Variants in TACC3 observed in about 807,000 individuals in gnomAD.
TACC3 encodes the protein transforming acidic coiled-coil containing protein 3.
A neutral mutation model predicts 86.0 loss-of-function variants in TACC3; 52 were observed. The ratio of observed to expected loss-of-function variants is 0.60; its 90% confidence interval spans 0.48 to 0.76. The LOEUF (loss-of-function observed/expected upper bound fraction) is 0.76. Ranked by LOEUF, TACC3 falls within the 30% of genes least tolerant of loss-of-function variation. The probability of loss-of-function intolerance (pLI) is 0.00; values close to 1 mark genes in which losing one functional copy is unlikely to be tolerated. For missense variants in TACC3, 1,120 were observed against 1,070.4 expected (o/e 1.05, Z -0.65); for synonymous variants, 512 against 430.0 (o/e 1.19, Z -2.36).
upstream of TACC3, chr4:1,720,680 A>C (rs971725496): frequency 6.4e-7 from 1 of 1,550,944 alleles, no homozygotes; most frequent in African/African-American, 1.4e-5. The surrounding 1 kb of genome is among the most constrained non-coding windows in gnomAD (Gnocchi z 4.4). Flanking sequence ...CGTGCGGCGC[A>C]AGTGGAAGGG....
At chr4:1,720,885 C>T, upstream of TACC3, 1 of 1,519,556 alleles carries the variant, frequency 6.6e-7, no homozygotes, top group East Asian at 2.6e-5. The surrounding 1 kb of genome is among the most constrained non-coding windows in gnomAD (Gnocchi z 4.4). Context: ...CCCCGGCGCG[C>T]GGACGAGGCC....
rs371120546 is a variant in TACC3 at position 1,727,925 on chromosome 4, T to A, written c.523T>A (p.Ser175Thr). Residue 175 changes from serine (S) to threonine (T), a missense_variant, in exon 4 of 16, where the codon TCT becomes ACT. By Grantham distance (58) the Ser-to-Thr change is moderately conservative. Coordinates refer to ENST00000313288, the MANE Select transcript of TACC3 (RefSeq NM_006342.3). ...ENQMVSPGKV[S>T]GSPEQAVEEN... ...CCAAATGGTGTCTCCAGGAAAAGTGTCTGGCAGCCCTGAGCAAGCCGTGGA... is the reference window on the plus strand; with the variant it reads ...CCAAATGGTGTCTCCAGGAAAAGTGACTGGCAGCCCTGAGCAAGCCGTGGA... 1.4e-5 allele frequency: 22 copies of A among 1,613,818 alleles called. No individual in the cohort carries two copies. The African/African-American group carries it at 2.8e-4, about 21-fold the overall frequency.
intron 13 of TACC3, 80 bp downstream of exon 13, chr4:1,741,066 G>A (rs1718576380): frequency 4.2e-6 from 6 of 1,424,014 alleles, no homozygotes; most frequent in Admixed American, 4.6e-5. Flanking sequence ...ACAAGCTGCT[G>A]TCTTTGCACC....
intron 3 of TACC3, among the ~76,000 whole-genome samples, chr4:1,727,451 A>G (rs781392136): frequency 6.6e-6 from 1 of 152,194 alleles, no homozygotes; most frequent in Non-Finnish European, 1.5e-5. Flanking sequence ...TTGGAACCCC[A>G]AGAAGCATGA....
At chr4:1,740,054 C>G (rs753538501) in intron 12 of TACC3, 52 bp downstream of exon 12, 1 of 1,594,110 alleles carries the variant, frequency 6.3e-7, no homozygotes, top group Non-Finnish European at 8.6e-7. Context: ...GCTGCCTATG[C>G]CCCACCCTGG....
chr4:1,742,629 C>T (rs1370601600), intron 13 of TACC3, among the ~76,000 whole-genome samples: 7 of 151,924 alleles, frequency 4.6e-5, no homozygotes, highest in Admixed American at 1.3e-4. Context: ...GATGAAACTC[C>T]GTCTCCTAAA....
In TACC3 at chr4:1,740,839, G is replaced by A. The variant is rs763950932; in HGVS notation, c.2076G>A (p.Lys692=). 1.9e-6 allele frequency: 3 copies of A among 1,607,336 alleles called. No individual in the cohort carries two copies. In the Admixed American group the frequency reaches 5.2e-5, roughly 28 times the overall value. Residue 692 remains lysine, a synonymous_variant, in exon 13 of 16, where the codon AAG becomes AAA. Transcript: ENST00000313288. ...TCTTTTCTCAAGAGGAAGTTCAGAA[G>A]CAGAAGGAACTTTCCAAAGCTGAAA... ...VVYQAMEEVQ[K]QKELSKAEIQ...
Position 1,723,802 on chromosome 4 carries a change from G to A in TACC3, c.237G>A (p.Glu79=), listed in dbSNP as rs1717544837. The A allele has an allele frequency of 6.2e-7, 1 of 1,613,648 alleles. No individual in the cohort carries two copies. Among genetic ancestry groups the A allele is most frequent in the Admixed American group, 1.7e-5 (1 of 60,004 alleles). The part of the protein sequence containing the change: ...ILSPSMASKL[E]APFTQDDTLG... The stretch of plus-strand genomic sequence containing the variant: ...GTCCTAGCATGGCCAGCAAACTTGA[G>A]GCTCCTTTCACTCAGGATGACACCC... The change falls in exon 3 of 16, where the codon GAG becomes GAA. Residue 79 remains glutamate, a synonymous_variant. Transcript: ENST00000313288.
At chr4:1,744,894 C>T in intron 15 of TACC3, 54 bp from the exon 16 acceptor site, 1 of 1,611,722 alleles carries the variant, frequency 6.2e-7, no homozygotes, top group Non-Finnish European at 8.5e-7. Context: ...GGCCCTTGGG[C>T]CTGCTGCTCC....
intron 12 of TACC3, chr4:1,740,226 C>T: frequency 3.3e-6 from 2 of 597,068 alleles, no homozygotes; most frequent in Non-Finnish European, 6.0e-6. Context: ...GCTTGGCAGG[C>T]CCCACAGTTG....
At chr4:1,738,174 G>C in intron 10 of TACC3, 1 of 313,432 alleles carries the variant, frequency 3.2e-6, no homozygotes. Context: ...CTAACTCCGG[G>C]CCTAAATTGT....
chr4:1,742,628 C>A (rs1424637802), intron 13 of TACC3, among the ~76,000 whole-genome samples: 2 of 152,084 alleles, frequency 1.3e-5, no homozygotes, highest in Admixed American at 1.3e-4. Context: ...TGATGAAACT[C>A]CGTCTCCTAA....
In TACC3 at chr4:1,739,748, A is replaced by T. The variant is rs1247131339; in HGVS notation, c.1988A>T (p.Glu663Val). ...EENRELRSRC[E>V]ELHGKNLELG... ...AACCGGGAGCTGAGGAGCAGGTGTG[A>T]GGAGCTCCACGGGAAGAACCTGGAA... The change falls in exon 11 of 16, where the codon GAG becomes GTG. Residue 663 changes from glutamate to valine, a missense_variant. Coordinates refer to ENST00000313288, the MANE Select transcript of TACC3 (RefSeq NM_006342.3). 9 of 1,587,914 alleles carry T rather than the reference A, an allele frequency of 5.7e-6. No individual in the cohort carries two copies. The highest frequency in any genetic ancestry group is 7.7e-6 in the Non-Finnish European group (9 of 1,168,320).
At chr4:1,742,968 A>G (rs996683244) in intron 13 of TACC3, among the ~76,000 whole-genome samples, 1 of 152,204 alleles carries the variant, frequency 6.6e-6, no homozygotes, top group African/African-American at 2.4e-5. Flanking sequence ...CTCTCTCAGA[A>G]AACAAAAAAT....
At chr4:1,737,784 C>A (rs1485932470) in intron 10 of TACC3, 82 bp downstream of exon 10, 2 of 1,248,098 alleles carry the variant, frequency 1.6e-6, no homozygotes, top group Non-Finnish European at 1.1e-6. Flanking sequence ...GGTCCAACAG[C>A]CTGACCCGCC....
chr4:1,744,998 G>A lies in TACC3; in HGVS notation c.2502G>A (p.Lys834=). 6.2e-7 allele frequency: 1 copy of A among 1,609,130 alleles called. No homozygotes were observed. Among genetic ancestry groups the A allele is most frequent in the Non-Finnish European group, 8.5e-7 (1 of 1,178,360 alleles). The change falls in exon 16 of 16, where the codon AAG becomes AAA. Residue 834 remains lysine, a synonymous_variant. Transcript: ENST00000313288. ...LTRICDDLIS[K]MEKI Reference sequence around the variant, plus strand: ...GGATCTGCGACGACCTCATCTCCAAGATGGAGAAGATCTGACCTCCACGGA... The same window carrying A: ...GGATCTGCGACGACCTCATCTCCAAAATGGAGAAGATCTGACCTCCACGGA...
chr4:1,739,868 CT>C (rs1333605566), intron 11 of TACC3, 90 bp downstream of exon 11: 1 of 1,535,052 alleles, frequency 6.5e-7, no homozygotes, highest in Non-Finnish European at 8.9e-7. Flanking sequence ...CCCCATCCCC[CT>C]CGCCATCCCT....
Position 1,739,706 on chromosome 4 carries a change from A to G in TACC3, c.1946A>G (p.Lys649Arg). Residue 649 changes from lysine to arginine, a missense_variant, in exon 11 of 16, where the codon AAG (lysine) becomes AGG (arginine). Transcript: ENST00000313288. ...ACTTGGGTGTGGCCTGAGCAGGTAAAGGCGACACAGGAGGAGAACCGGGAG... is the reference window on the plus strand; with the variant it reads ...ACTTGGGTGTGGCCTGAGCAGGTAAGGGCGACACAGGAGGAGAACCGGGAG... ...YSQKDLDAVV[K>R]ATQEENRELR... 1 of 1,578,530 alleles carries G rather than the reference A, an allele frequency of 6.3e-7. No individual in the cohort carries two copies. The highest frequency in any genetic ancestry group is 1.2e-5 in the South Asian group (1 of 86,156).
At chr4:1,737,097 G>T in intron 8 of TACC3, 144 bp from the exon 9 acceptor site, 1 of 654,094 alleles carries the variant, frequency 1.5e-6, no homozygotes. Flanking sequence ...GCTGGATGCG[G>T]GTCTGCGTTT....
Sources: allele counts gnomAD v4.1 joint callset (sites outside exome capture counted in the v4.1 genomes callset), GRCh38; gene constraint gnomAD v4.1.1; non-coding constraint Gnocchi (gnomAD v3.1); transcripts MANE v1.5; gene names NCBI Gene and HGNC (gene_info 2026-07-23, HGNC 2026-07-21).